ROR2: variants seen among roughly 807,000 people sequenced by gnomAD.
The protein encoded by ROR2 is ROR family WNT receptor 2.
A neutral mutation model predicts 74.9 loss-of-function variants in ROR2; 33 were observed. That is an observed-to-expected ratio of 0.44 (90% CI 0.33 to 0.59). The LOEUF is 0.59. ROR2 is among the 20% of genes least tolerant of loss of function. The pLI is 0.02. For missense variants in ROR2, 1,216 were observed against 1,313.8 expected, an observed-to-expected ratio of 0.93 and a Z score of 1.15; for synonymous variants, 586 against 558.7, an observed-to-expected ratio of 1.05 and a Z score of -0.69.
In ROR2 at chr9:91,733,295, T is replaced by G; in HGVS notation, c.764A>C (p.Glu255Ala). The G allele has an allele frequency of 1.2e-6, 2 of 1,612,908 alleles. No individual in the cohort carries two copies. Among genetic ancestry groups the G allele is most frequent in the Non-Finnish European group, 1.7e-6 (2 of 1,179,784 alleles). ...TPKPRELCRDECEVLESDLCR... is the reference protein window; with the variant it reads ...TPKPRELCRDACEVLESDLCR... ...CAGGTCGCTCTCCAGCACCTCGCAC[T>G]CGTCGCGGCACAGCTCACGCGGCTT... The change falls in exon 6 of 9, where the codon GAG becomes GCG. Residue 255 changes from glutamate to alanine, a missense_variant. Physicochemically the swap from Glu to Ala is moderately radical, Grantham distance 107 (BLOSUM62 -1). Transcript: ENST00000375708. This position sits in a 1 kb window ranked among gnomAD's most constrained non-coding sequence, Gnocchi z 5.7.
chr9:91,754,443 G>A (rs1825679389), intron 4 of ROR2, among the ~76,000 whole-genome samples: 1 of 152,050 alleles, frequency 6.6e-6, no homozygotes, highest in Non-Finnish European at 1.5e-5. Flanking sequence ...GATCACTTGA[G>A]GTCAGGAGTT....
chr9:91,892,897 C>G (rs1830457205), intron 1 of ROR2, among the ~76,000 whole-genome samples: 1 of 152,098 alleles, frequency 6.6e-6, no homozygotes, highest in Non-Finnish European at 1.5e-5. Flanking sequence ...GCCACAGATA[C>G]TTTCTCTTTT....
chr9:91,843,407 T>G (rs1828840320), intron 1 of ROR2, among the ~76,000 whole-genome samples: 1 of 152,246 alleles, frequency 6.6e-6, no homozygotes, highest in Admixed American at 6.5e-5. Context: ...CAGTCTGTTG[T>G]ATCCTAGACT....
chr9:91,938,488 T>G (rs999152281), intron 1 of ROR2, among the ~76,000 whole-genome samples: 1 of 151,968 alleles, frequency 6.6e-6, no homozygotes, highest in African/African-American at 2.4e-5. Flanking sequence ...CCAGATGTGA[T>G]GTGCACACCT....
chr9:91,765,339 G>A (rs949539089), intron 2 of ROR2, among the ~76,000 whole-genome samples: 2 of 152,038 alleles, frequency 1.3e-5, no homozygotes, highest in Non-Finnish European at 2.9e-5. Flanking sequence ...TCTTCTATGT[G>A]GTTTCTGTTT....
intron 1 of ROR2, among the ~76,000 whole-genome samples, chr9:91,810,940 C>A (rs559099597): frequency 1.4e-4 from 22 of 152,360 alleles, no homozygotes; most frequent in Non-Finnish European, 2.9e-4. Flanking sequence ...GGTACAAGGA[C>A]AAGTGGTATC....
chr9:91,899,150 A>G (rs1169612130), intron 1 of ROR2, among the ~76,000 whole-genome samples: 1 of 152,194 alleles, frequency 6.6e-6, no homozygotes, highest in Non-Finnish European at 1.5e-5. Flanking sequence ...CTCCAGAAAC[A>G]CATGGACCGG....
chr9:91,892,398 C>T (rs571224900), intron 1 of ROR2, among the ~76,000 whole-genome samples: 9 of 152,270 alleles, frequency 5.9e-5, no homozygotes, highest in South Asian at 2.1e-4. Flanking sequence ...GGGCAAGTCC[C>T]TTACCCCGCC....
intron 1 of ROR2, among the ~76,000 whole-genome samples, chr9:91,888,283 A>G (rs1422229239): frequency 6.6e-6 from 1 of 152,114 alleles, no homozygotes; most frequent in Non-Finnish European, 1.5e-5. Flanking sequence ...TTTGAGATCC[A>G]TTTATTTAGA....
intron 2 of ROR2, among the ~76,000 whole-genome samples, chr9:91,760,229 T>C (rs1194645144): frequency 6.6e-6 from 1 of 152,250 alleles, no homozygotes; most frequent in African/African-American, 2.4e-5. Context: ...AAACAAGCTC[T>C]ATTCACTTCT....
intron 1 of ROR2, among the ~76,000 whole-genome samples, chr9:91,833,523 C>G (rs1025487267): frequency 2.0e-5 from 3 of 152,168 alleles, no homozygotes; most frequent in African/African-American, 7.2e-5. Flanking sequence ...CCACCAGCAC[C>G]GCCACACGCC....
At chr9:91,730,100 G>T (rs1004023642) in intron 7 of ROR2, among the ~76,000 whole-genome samples, 1 of 152,064 alleles carries the variant, frequency 6.6e-6, no homozygotes, top group Admixed American at 6.5e-5. Flanking sequence ...GTGCCACCAC[G>T]CCTGGACAAT....
At chr9:91,859,582 G>C (rs895382635) in intron 1 of ROR2, among the ~76,000 whole-genome samples, 22 of 152,200 alleles carry the variant, frequency 1.4e-4, no homozygotes, top group African/African-American at 4.8e-4. Flanking sequence ...CAGCACTTTG[G>C]GAGGCAGAGG....
rs145489097 is a variant in ROR2, at chr9:91,876,141, G to A, written c.97+73726C>T. 6.6e-3 allele frequency among the ~76,000 whole-genome samples: 1,000 copies of A among 152,216 alleles called. 14 individuals carry two copies. Among genetic ancestry groups the A allele is most frequent in the African/African-American group, 0.023 (935 of 41,522 alleles). On this transcript the variant is annotated intron_variant, in intron 1 of 8. Transcript: ENST00000375708. ...GAATCCCAGCACTTTGGGAGGCCAA[G>A]GCAGGTAGATCACTTGAGGTCAGGA...
chr9:91,746,233 C>T (rs898624863), intron 4 of ROR2, among the ~76,000 whole-genome samples: 1 of 152,032 alleles, frequency 6.6e-6, no homozygotes, highest in Non-Finnish European at 1.5e-5. Context: ...CGCACCACCA[C>T]GCCTGGCTAA....
chr9:91,811,197 A>G (rs958163520), intron 1 of ROR2, among the ~76,000 whole-genome samples: 8 of 152,236 alleles, frequency 5.3e-5, no homozygotes, highest in Admixed American at 6.5e-5. Context: ...AAAAGCTGTC[A>G]GGGCCTCTGC....
intron 1 of ROR2, among the ~76,000 whole-genome samples, chr9:91,816,554 C>T (rs1244769424): frequency 6.6e-6 from 1 of 152,128 alleles, no homozygotes. Context: ...GATCTCCTTG[C>T]AGAAGCCACC....
At chr9:91,934,881 GAAAAT>G (rs1831643365) in intron 1 of ROR2, among the ~76,000 whole-genome samples, 1 of 152,002 alleles carries the variant, frequency 6.6e-6, no homozygotes, top group Non-Finnish European at 1.5e-5. Context: ...TCTTTCAAAA[GAAAAT>G]AATAATGACA....
chr9:91,948,855 C>T, intron 1 of ROR2: 4 of 985,498 alleles, frequency 4.1e-6, no homozygotes, highest in Non-Finnish European at 4.8e-6. Context: ...TCCTCCACCC[C>T]CGCAGGGTGC....
Sources: allele counts gnomAD v4.1 joint callset (sites outside exome capture counted in the v4.1 genomes callset), GRCh38; gene constraint gnomAD v4.1.1; non-coding constraint Gnocchi (gnomAD v3.1); transcripts MANE v1.5; gene names NCBI Gene and HGNC (gene_info 2026-07-23, HGNC 2026-07-21).